MAP3K13: variants seen among roughly 807,000 people sequenced by gnomAD.
MAP3K13 encodes the protein leucine zipper-bearing kinase.
Under a neutral mutation model 104.0 loss-of-function variants are expected in MAP3K13, and 52 were observed. The ratio of observed to expected loss-of-function variants is 0.50; its 90% confidence interval spans 0.40 to 0.63. The LOEUF (loss-of-function observed/expected upper bound fraction) is 0.63. MAP3K13 is among the 20% of genes least tolerant of loss of function. MAP3K13 has a pLI of 0.00. For synonymous variants in MAP3K13, 394 were observed against 442.2 expected (o/e 0.89, Z 1.37); for missense variants, 914 against 1,218.5 (o/e 0.75, Z 3.72).
In MAP3K13 at chr3:185,449,899, G is replaced by A; in HGVS notation, c.1011-1G>A. On this transcript the variant is annotated splice_acceptor_variant, in intron 5 of 13. Transcript: ENST00000265026. LOFTEE classifies it high-confidence loss of function. ...TGTCCATGTTCCCGGCGCTACTGTAGGTCTTTTGGAGTGGTGCTTTGGGAG... is the reference window on the plus strand; with the variant it reads ...TGTCCATGTTCCCGGCGCTACTGTAAGTCTTTTGGAGTGGTGCTTTGGGAG... 6.2e-7 allele frequency: 1 copy of A among 1,604,030 alleles called. No homozygotes were observed. Among genetic ancestry groups the A allele is most frequent in the Non-Finnish European group, 8.5e-7 (1 of 1,176,270 alleles).
intron 2 of MAP3K13, among the ~76,000 whole-genome samples, chr3:185,311,310 C>G (rs1033603977): frequency 2.0e-5 from 3 of 151,976 alleles, no homozygotes; most frequent in African/African-American, 7.2e-5. Context: ...TACAGGGTGG[C>G]GGCAAGAGAA....
intron 2 of MAP3K13, among the ~76,000 whole-genome samples, chr3:185,433,663 G>C (rs1714869890): frequency 2.6e-5 from 4 of 152,104 alleles, no homozygotes; most frequent in African/African-American, 9.7e-5. Context: ...TACAATCTGT[G>C]TTCTTTCATT....
At chr3:185,357,447 T>TAAAAAAAAAAAAAAAAAAAA (rs71162295) in intron 2 of MAP3K13, among the ~76,000 whole-genome samples, 4 of 91,388 alleles carry the variant, frequency 4.4e-5, no homozygotes, top group African/African-American at 8.1e-5. Context: ...AAACTCCATC[T>TAAAAAAAAAAAAAAAAAAAA]AAAAAAAAAA....
chr3:185,357,142 A>G (rs1381190893), intron 2 of MAP3K13, among the ~76,000 whole-genome samples: 9 of 151,610 alleles, frequency 5.9e-5, no homozygotes, highest in African/African-American at 2.2e-4. Context: ...CATGAGCTCT[A>G]AGAAAGTATT....
chr3:185,342,012 G>A (rs932626318), intron 2 of MAP3K13, among the ~76,000 whole-genome samples: 3 of 152,168 alleles, frequency 2.0e-5, no homozygotes, highest in Non-Finnish European at 2.9e-5. Flanking sequence ...TTGCTCTAGG[G>A]GAAGCCAGCT....
chr3:185,403,675 A>G (rs1712942959), intron 1 of MAP3K13, among the ~76,000 whole-genome samples: 1 of 152,234 alleles, frequency 6.6e-6, no homozygotes, highest in Non-Finnish European at 1.5e-5. Flanking sequence ...GTAAAGCTGG[A>G]AAACAAAAAC....
At chr3:185,324,963 GT>G (rs1411606609) in intron 2 of MAP3K13, among the ~76,000 whole-genome samples, 12 of 152,246 alleles carry the variant, frequency 7.9e-5, no homozygotes, top group African/African-American at 2.9e-4. Context: ...AGAATAGGTG[GT>G]TTTGTAGCTG....
chr3:185,359,940 CA>C (rs568810936), upstream of MAP3K13, among the ~76,000 whole-genome samples: 570 of 135,926 alleles, frequency 4.2e-3, 3 homozygotes, highest in African/African-American at 0.013. Flanking sequence ...TTTTTTTCCT[CA>C]AAAAAAAAAA....
intron 2 of MAP3K13, among the ~76,000 whole-genome samples, chr3:185,436,726 G>C (rs989643831): frequency 6.6e-6 from 1 of 151,982 alleles, no homozygotes; most frequent in South Asian, 2.1e-4. Context: ...TTAGCAGCCC[G>C]GCGCAGTGGC....
chr3:185,427,071 G>T (rs1714463740), intron 1 of MAP3K13, among the ~76,000 whole-genome samples: 1 of 152,138 alleles, frequency 6.6e-6, no homozygotes, highest in African/African-American at 2.4e-5. Context: ...ACATACTTTG[G>T]GCTGGGCGCA....
intron 2 of MAP3K13, among the ~76,000 whole-genome samples, chr3:185,320,356 C>T (rs1360255360): frequency 1.3e-5 from 2 of 152,180 alleles, no homozygotes; most frequent in Non-Finnish European, 2.9e-5. Flanking sequence ...ACTGGGATTA[C>T]AGGCATGAGC....
At chr3:185,371,207 T>C (rs913625634) in intron 1 of MAP3K13, among the ~76,000 whole-genome samples, 1 of 152,224 alleles carries the variant, frequency 6.6e-6, no homozygotes, top group Non-Finnish European at 1.5e-5. Flanking sequence ...CCTTTTCATT[T>C]GTATGTTCAT....
intron 1 of MAP3K13, among the ~76,000 whole-genome samples, chr3:185,369,901 G>A (rs1173632451): frequency 1.3e-5 from 2 of 152,162 alleles, no homozygotes; most frequent in East Asian, 1.9e-4. Flanking sequence ...AGGATGCAAT[G>A]GAAAAAGAAT....
rs918687274 is a variant in MAP3K13, at chr3:185,488,135, A to G, written c.*5679A>G. 8.5e-5 allele frequency: 13 copies of G among 152,128 alleles called. No individual in the cohort carries two copies. Among genetic ancestry groups the G allele is most frequent in the African/African-American group, 1.7e-4 (7 of 41,378 alleles). The allele number at this position is 152,128 out of a possible 1,614,324, so 9.4% of individuals were successfully genotyped here. A position where few individuals can be genotyped will look rare whatever the true frequency, so the allele number is the denominator to read the frequency against. On this transcript the variant is annotated 3_prime_UTR_variant, in exon 14 of 14. Coordinates refer to ENST00000265026, the MANE Select transcript of MAP3K13 (RefSeq NM_004721.5). ...CACCTTTTATAAACAGAAAATTAAT[A>G]TAAGTCCCAGTTACTTGCTTCTTAG...
chr3:185,359,887 C>T (rs1302796904), upstream of MAP3K13, among the ~76,000 whole-genome samples: 2 of 151,404 alleles, frequency 1.3e-5, no homozygotes, highest in African/African-American at 2.4e-5. Flanking sequence ...CTTTGGACTT[C>T]GATTCTGGCT....
At chr3:185,374,017 A>C (rs76577457) in intron 1 of MAP3K13, among the ~76,000 whole-genome samples, 36,763 of 151,694 alleles carry the variant, frequency 0.24, 4,508 homozygotes, top group Admixed American at 0.29. Context: ...GTACATTCTC[A>C]AAGGTGGGGA....
At chr3:185,357,166 C>T (rs1323158833) in intron 2 of MAP3K13, among the ~76,000 whole-genome samples, 4 of 151,120 alleles carry the variant, frequency 2.6e-5, no homozygotes, top group Admixed American at 6.6e-5. Flanking sequence ...AATTCTAGGC[C>T]GGGTGCAGTG....
At chr3:185,454,869 TGA>T (rs1234282344) in intron 7 of MAP3K13, among the ~76,000 whole-genome samples, 1 of 41,840 alleles carries the variant, frequency 2.4e-5, no homozygotes, top group East Asian at 3.8e-4. Context: ...GATATATATA[TGA>T]GATATATATA....
chr3:185,327,712 G>A (rs996982754), intron 2 of MAP3K13, among the ~76,000 whole-genome samples: 13 of 152,238 alleles, frequency 8.5e-5, no homozygotes, highest in African/African-American at 2.9e-4. Flanking sequence ...AGGAGTTTGC[G>A]ACCAGCCTGG....
Sources: gnomAD v4.1 joint callset for allele counts (sites outside exome capture counted in the v4.1 genomes callset) on GRCh38, gnomAD v4.1.1 for gene constraint, MANE v1.5 for transcripts, NCBI Gene and HGNC (gene_info 2026-07-23, HGNC 2026-07-21) for gene names.